Variants in PML observed in about 807,000 individuals in gnomAD.
PML encodes PML nuclear body scaffold, also known as protein PML.
In PML, 28 loss-of-function variants were observed where a neutral mutation model predicts 65.2. That is an observed-to-expected ratio of 0.43 (90% CI 0.32 to 0.59). The LOEUF is 0.59. Ranked by LOEUF, PML falls within the 20% of genes least tolerant of loss-of-function variation. PML has a pLI of 0.08. For missense variants in PML, 1,021 were observed against 1,203.4 expected, an observed-to-expected ratio of 0.85 and a Z score of 2.24; for synonymous variants, 500 against 508.8, an observed-to-expected ratio of 0.98 and a Z score of 0.23.
At chr15:74,034,339 G>A in intron 6 of PML, 139 bp from the exon 7 acceptor site, 1 of 1,019,158 alleles carries the variant, frequency 9.8e-7, no homozygotes, top group Non-Finnish European at 1.6e-6. Flanking sequence ...GGCACACACA[G>A]TGGCTGTTCC....
chr15:73,995,261 T>C (rs1000954489), intron 1 of PML, among the ~76,000 whole-genome samples: 3 of 152,228 alleles, frequency 2.0e-5, no homozygotes, highest in Admixed American at 6.5e-5. Flanking sequence ...CTGCCTCAAC[T>C]TTGCCTCAGA....
intron 2 of PML, among the ~76,000 whole-genome samples, chr15:74,001,038 G>C (rs150769996): frequency 2.0e-5 from 3 of 152,224 alleles, no homozygotes; most frequent in South Asian, 4.1e-4. Flanking sequence ...TTTGGCTCTT[G>C]TGTCAGATTT....
At chr15:74,028,966 T>A (rs8028206) in intron 4 of PML, among the ~76,000 whole-genome samples, 42,593 of 152,198 alleles carry the variant, frequency 0.28, 6,211 homozygotes, top group Admixed American at 0.37. Flanking sequence ...AACACGGGTG[T>A]ACAGATATCT....
intron 7 of PML, among the ~76,000 whole-genome samples, chr15:74,038,668 G>T (rs1244902096): frequency 6.6e-6 from 1 of 152,116 alleles, no homozygotes; most frequent in South Asian, 2.1e-4. Context: ...CTTGGAGGGG[G>T]TGGGGTGATA....
chr15:74,023,938 A>T (rs1320251090), intron 3 of PML, among the ~76,000 whole-genome samples: 1 of 152,088 alleles, frequency 6.6e-6, no homozygotes, highest in Non-Finnish European at 1.5e-5. Flanking sequence ...CGCCCTGCCT[A>T]GTGTTGGACG....
intron 2 of PML, among the ~76,000 whole-genome samples, chr15:74,012,915 A>C (rs1339656972): frequency 6.6e-6 from 1 of 152,170 alleles, no homozygotes; most frequent in Non-Finnish European, 1.5e-5. Flanking sequence ...TGATACTTGA[A>C]TAATATCTCG....
intron 1 of PML, 116 bp downstream of exon 1, chr15:73,995,057 A>G (rs2069405369): frequency 4.1e-6 from 4 of 985,334 alleles, no homozygotes; most frequent in Admixed American, 5.7e-5. Flanking sequence ...GAGTGACACA[A>G]AGCGGGAAGT....
intron 2 of PML, among the ~76,000 whole-genome samples, chr15:74,008,700 A>G (rs1038580973): frequency 6.7e-6 from 1 of 150,260 alleles, no homozygotes; most frequent in African/African-American, 2.4e-5. Flanking sequence ...GATTGCGCCG[A>G]TGCACTCCAG....
rs780238004 is a variant in PML at position 74,023,351 on chromosome 15, T to C, written c.1126T>C (p.Phe376Leu). The change falls in exon 3 of 9, where the codon TTC becomes CTC. Residue 376 changes from phenylalanine (F) to leucine (L), a missense_variant. By Grantham distance (22) the Phe-to-Leu change is conservative (BLOSUM62 0). Coordinates refer to ENST00000268058, the MANE Select transcript of PML (RefSeq NM_033238.3). ...GCAAGCTGCCGTGCGCACCGATGGC[T>C]TCGACGAGTTCAAGGTGCGCCTGCA... is the stretch of plus-strand genomic sequence containing the variant. ...SLQAAVRTDGFDEFKVRLQDL... is the reference protein window; with the variant it reads ...SLQAAVRTDGLDEFKVRLQDL... 3 of 1,602,522 alleles carry C rather than the reference T, an allele frequency of 1.9e-6. No individual in the cohort carries two copies. The highest frequency in any genetic ancestry group is 2.5e-6 in the Non-Finnish European group (3 of 1,179,928).
At position 74,022,980 on chromosome 15, in the gene PML, G is replaced by A. The variant is rs1223070898; in HGVS notation, c.755G>A (p.Ser252Asn). Residue 252 changes from serine (S) to asparagine (N), a missense_variant, in exon 3 of 9, where the codon AGT (serine) becomes AAT (asparagine). Transcript: ENST00000268058. ...ACGCAGGCGCTGCAGGAGCAGGATA[G>A]TGCCTTTGGCGCGGTTCACGCGCAG... ...AMTQALQEQD[S>N]AFGAVHAQMH... The A allele has an allele frequency of 6.2e-7, 1 of 1,610,436 alleles. No individual in the cohort carries two copies. The highest frequency in any genetic ancestry group is 8.5e-7 in the Non-Finnish European group (1 of 1,178,936).
chr15:73,998,324 G>A lies in PML; in HGVS notation c.450G>A (p.Lys150=). 1 of 1,614,214 alleles carries A rather than the reference G, an allele frequency of 6.2e-7. No homozygotes were observed. Among genetic ancestry groups the A allele is most frequent in the Non-Finnish European group, 8.5e-7 (1 of 1,180,042 alleles). ...AGTGCGAGCAGCTCCTCTGCGCCAA[G>A]TGCTTCGAGGCACACCAGTGGTTCC... ...CFECEQLLCA[K]CFEAHQWFLK... Residue 150 remains lysine, a synonymous_variant, in exon 2 of 9, where the codon AAG becomes AAA. Transcript: ENST00000268058.
Position 74,023,072 on chromosome 15 carries a change from G to C in PML, c.847G>C (p.Val283Leu). The C allele has an allele frequency of 6.2e-7, 1 of 1,602,786 alleles. No homozygotes were observed. Among genetic ancestry groups the C allele is most frequent in the Non-Finnish European group, 8.5e-7 (1 of 1,178,612 alleles). ...AETEELIRER[V>L]RQVVAHVRAQ... The stretch of plus-strand genomic sequence containing the variant: ...GACCGAGGAGCTGATCCGCGAGCGC[G>C]TGCGCCAGGTGGTAGCTCACGTGCG... The change falls in exon 3 of 9, where the codon GTG becomes CTG. Residue 283 changes from valine to leucine, a missense_variant. Val to Leu is a conservative substitution (Grantham distance 32). Coordinates refer to ENST00000268058, the MANE Select transcript of PML (RefSeq NM_033238.3).
At chr15:74,019,842 A>G (rs1392628840) in intron 2 of PML, among the ~76,000 whole-genome samples, 2 of 152,198 alleles carry the variant, frequency 1.3e-5, no homozygotes, top group Non-Finnish European at 2.9e-5. Flanking sequence ...TTTCCTTATC[A>G]GTATATAAAG....
chr15:73,996,579 T>A (rs2069523785), intron 1 of PML, among the ~76,000 whole-genome samples: 1 of 152,252 alleles, frequency 6.6e-6, no homozygotes, highest in Admixed American at 6.5e-5. Flanking sequence ...AGCCCTCTTT[T>A]AATATAGATC....
chr15:74,012,678 A>G (rs1002698838), intron 2 of PML, among the ~76,000 whole-genome samples: 2 of 152,362 alleles, frequency 1.3e-5, no homozygotes, highest in Admixed American at 6.5e-5. Context: ...GCAATGAAAG[A>G]TCAAGATGGT....
At position 73,998,393 on chromosome 15, in the gene PML, G is replaced by T. The variant is rs751860822; in HGVS notation, c.519G>T (p.Ser173=). The T allele has an allele frequency of 3.7e-6, 6 of 1,613,912 alleles. 1 individual carries two copies. In the African/African-American group the frequency reaches 5.3e-5, roughly 14 times the overall value. The change falls in exon 2 of 9, where the codon TCG becomes TCT. Residue 173 remains serine, a synonymous_variant. Transcript: ENST00000268058. ...ARPLAELRNQ[S]VREFLDGTRK... Reference sequence around the variant, plus strand: ...CCCTAGCAGAGCTGCGCAACCAGTCGGTGCGTGAGTTCCTGGACGGCACCC... The same window carrying T: ...CCCTAGCAGAGCTGCGCAACCAGTCTGTGCGTGAGTTCCTGGACGGCACCC...
Position 74,043,366 on chromosome 15 carries a change from A to G in PML, c.1861+227A>G. ...CAGTGCCTGAGTGTGCGAGAGAGGC[A>G]GATGCCTCCACAAGTGCACCTCTGA... On this transcript the variant is annotated intron_variant, in intron 8 of 8. Coordinates refer to ENST00000268058, the MANE Select transcript of PML (RefSeq NM_033238.3). This position sits in a 1 kb window ranked among gnomAD's most constrained non-coding sequence, Gnocchi z 4.3. 6.9e-7 allele frequency: 1 copy of G among 1,440,160 alleles called. No homozygotes were observed. Among genetic ancestry groups the G allele is most frequent in the South Asian group, 1.5e-5 (1 of 66,914 alleles). The allele number at this position is 1,440,160 out of a possible 1,614,324, so 89.2% of individuals were successfully genotyped here.
chr15:74,016,813 T>TTTTTTTTTC (rs1463105622), intron 2 of PML, among the ~76,000 whole-genome samples: 2 of 143,960 alleles, frequency 1.4e-5, no homozygotes, highest in East Asian at 4.1e-4. Context: ...TTTTTTTTTT[T>TTTTTTTTTC]TGAGATGGAG....
intron 2 of PML, among the ~76,000 whole-genome samples, chr15:74,008,247 A>G (rs2070157292): frequency 6.6e-6 from 1 of 152,218 alleles, no homozygotes; most frequent in African/African-American, 2.4e-5. Flanking sequence ...GGTTGATGTG[A>G]GGGCAGGCAC....
Sources: allele counts gnomAD v4.1 joint callset (sites outside exome capture counted in the v4.1 genomes callset), GRCh38; gene constraint gnomAD v4.1.1; non-coding constraint Gnocchi (gnomAD v3.1); transcripts MANE v1.5; gene names NCBI Gene and HGNC (gene_info 2026-07-23, HGNC 2026-07-21).